TMEM132D: variants seen among roughly 807,000 people sequenced by gnomAD.
TMEM132D encodes transmembrane protein 132D.
In TMEM132D, 21 loss-of-function variants were observed where a neutral mutation model predicts 62.3. The observed-to-expected ratio is 0.34, with a 90% CI of 0.24 to 0.49. The LOEUF is 0.49. TMEM132D is among the 20% of genes least tolerant of loss of function. The pLI is 0.99. For synonymous variants in TMEM132D, 621 were observed against 575.6 expected (o/e 1.08, Z -1.13); for missense variants, 1,346 against 1,402.8 (o/e 0.96, Z 0.65).
At chr12:129,615,068 G>A (rs182706920) in intron 2 of TMEM132D, among the ~76,000 whole-genome samples, 6 of 152,210 alleles carry the variant, frequency 3.9e-5, no homozygotes, top group Middle Eastern at 3.4e-3. Context: ...ACCTAACAGC[G>A]TATTATATGG....
intron 3 of TMEM132D, among the ~76,000 whole-genome samples, chr12:129,356,654 C>CAAAA (rs34719078): frequency 0.25 from 28,980 of 115,646 alleles, 4,271 homozygotes; most frequent in South Asian, 0.38. Flanking sequence ...CCTGTCTCTA[C>CAAAA]AATAAATAAA....
chr12:129,384,916 C>T (rs1303329852), intron 3 of TMEM132D, among the ~76,000 whole-genome samples: 1 of 151,982 alleles, frequency 6.6e-6, no homozygotes, highest in Non-Finnish European at 1.5e-5. Context: ...GCACCTTTCC[C>T]ATTTACTAGA....
chr12:129,826,201 A>G (rs942333216), intron 1 of TMEM132D, among the ~76,000 whole-genome samples: 1 of 152,164 alleles, frequency 6.6e-6, no homozygotes, highest in Non-Finnish European at 1.5e-5. Context: ...CACTGTGACC[A>G]CGGGAGCAGG....
At position 129,252,477 on chromosome 12, in the gene TMEM132D, T is replaced by C. The variant is rs544013325; in HGVS notation, c.1300-42814A>G. On this transcript the variant is annotated intron_variant, in intron 4 of 8. Coordinates refer to ENST00000422113, the MANE Select transcript of TMEM132D (RefSeq NM_133448.3). Reference sequence around the variant, plus strand: ...CTAGCTGGTGGTGAAGCCAGGAAGATAAGACCCAGAATTGTCTCTCAGAAA... The same window carrying C: ...CTAGCTGGTGGTGAAGCCAGGAAGACAAGACCCAGAATTGTCTCTCAGAAA... Among the ~76,000 whole-genome samples, 12 of 152,306 alleles carry C rather than the reference T, an allele frequency of 7.9e-5. No individual in the cohort carries two copies. The South Asian group carries it at 2.5e-3, about 32-fold the overall frequency.
At chr12:129,302,663 T>C (rs1881749971) in intron 4 of TMEM132D, among the ~76,000 whole-genome samples, 2 of 152,226 alleles carry the variant, frequency 1.3e-5, no homozygotes, top group Non-Finnish European at 2.9e-5. Flanking sequence ...AGCAGGCCAC[T>C]GGAGCGTATT....
intron 4 of TMEM132D, among the ~76,000 whole-genome samples, chr12:129,219,070 A>G (rs776654104): frequency 6.6e-6 from 1 of 152,166 alleles, no homozygotes; most frequent in Non-Finnish European, 1.5e-5. Flanking sequence ...CAAAACATGG[A>G]AAGATGTCCA....
At chr12:129,607,371 C>T (rs2137148107) in intron 2 of TMEM132D, among the ~76,000 whole-genome samples, 1 of 152,282 alleles carries the variant, frequency 6.6e-6, no homozygotes, top group Middle Eastern at 3.4e-3. Flanking sequence ...ACTGGGGAAA[C>T]CCCTCTGGAG....
At chr12:129,088,121 G>GA (rs1487245492) in intron 5 of TMEM132D, among the ~76,000 whole-genome samples, 5 of 54,548 alleles carry the variant, frequency 9.2e-5, no homozygotes, top group African/African-American at 9.5e-5. Context: ...CCCTGACCGG[G>GA]TGTCCTCCAT....
chr12:129,426,610 T>C (rs560972623), intron 3 of TMEM132D, among the ~76,000 whole-genome samples: 57 of 152,156 alleles, frequency 3.7e-4, no homozygotes, highest in Non-Finnish European at 7.3e-4. Context: ...TCTCAGATGG[T>C]TAAGACATTG....
Position 129,356,379 on chromosome 12 carries a change from G to C in TMEM132D, c.1116-18562C>G, listed in dbSNP as rs1290472262. 1.8e-5 allele frequency among the ~76,000 whole-genome samples: 2 copies of C among 113,646 alleles called. 1 individual carries two copies. Among genetic ancestry groups the C allele is most frequent in the Non-Finnish European group, 3.6e-5 (2 of 54,868 alleles). The allele number at this position is 113,646 out of a possible 152,430, so 74.6% of individuals were successfully genotyped here. ...TCACCGTTTTAGCCGGGATGGTCTCGATCTCTTGACCTCGTGATCCGCCCG... is the reference window on the plus strand; with the variant it reads ...TCACCGTTTTAGCCGGGATGGTCTCCATCTCTTGACCTCGTGATCCGCCCG... On this transcript the variant is annotated intron_variant, in intron 3 of 8. Coordinates refer to ENST00000422113, the MANE Select transcript of TMEM132D (RefSeq NM_133448.3).
At chr12:129,359,450 T>C (rs915610553) in intron 3 of TMEM132D, among the ~76,000 whole-genome samples, 2 of 152,244 alleles carry the variant, frequency 1.3e-5, no homozygotes, top group African/African-American at 4.8e-5. Flanking sequence ...GAGCGTTGTG[T>C]CTTTCACAGT....
intron 1 of TMEM132D, among the ~76,000 whole-genome samples, chr12:129,746,564 A>G (rs1384025120): frequency 6.6e-6 from 1 of 152,164 alleles, no homozygotes; most frequent in East Asian, 1.9e-4. Context: ...CACTGAACAA[A>G]GCTTGTTCTA....
At chr12:129,782,006 T>C (rs934362781) in intron 1 of TMEM132D, among the ~76,000 whole-genome samples, 1 of 152,174 alleles carries the variant, frequency 6.6e-6, no homozygotes, top group African/African-American at 2.4e-5. Flanking sequence ...GAAAAGAGGA[T>C]GGAGGAGCAT....
At chr12:129,548,361 T>A (rs984250527) in intron 2 of TMEM132D, among the ~76,000 whole-genome samples, 1 of 152,142 alleles carries the variant, frequency 6.6e-6, no homozygotes, top group African/African-American at 2.4e-5. Context: ...TCTTTACCCA[T>A]CCTGTTCGCC....
At chr12:129,083,513 C>A (rs1367791282) in intron 6 of TMEM132D, among the ~76,000 whole-genome samples, 2 of 152,190 alleles carry the variant, frequency 1.3e-5, no homozygotes, top group East Asian at 3.9e-4. Context: ...ACCAGAAACC[C>A]CAGAGACTGA....
At chr12:129,767,364 A>C (rs1244108713) in intron 1 of TMEM132D, among the ~76,000 whole-genome samples, 1 of 152,116 alleles carries the variant, frequency 6.6e-6, no homozygotes, top group East Asian at 1.9e-4. Flanking sequence ...GTTAAGAACT[A>C]AGATGGGTAG....
chr12:129,692,353 G>A (rs867555687), intron 2 of TMEM132D, among the ~76,000 whole-genome samples: 50 of 152,172 alleles, frequency 3.3e-4, no homozygotes, highest in African/African-American at 9.9e-4. Flanking sequence ...TTATGTCAAC[G>A]GCATAGGAAA....
intron 2 of TMEM132D, among the ~76,000 whole-genome samples, chr12:129,543,589 C>A (rs1417487769): frequency 6.6e-6 from 1 of 152,140 alleles, no homozygotes; most frequent in Non-Finnish European, 1.5e-5. Context: ...TTGGCAAAAT[C>A]ATCTATAGTG....
intron 2 of TMEM132D, among the ~76,000 whole-genome samples, chr12:129,594,964 G>T (rs560024385): frequency 6.6e-6 from 1 of 152,152 alleles, no homozygotes; most frequent in Non-Finnish European, 1.5e-5. Flanking sequence ...TCACAGACAG[G>T]TACAGCTGAA....
Sources: allele counts gnomAD v4.1 joint callset (sites outside exome capture counted in the v4.1 genomes callset), GRCh38; gene constraint gnomAD v4.1.1; transcripts MANE v1.5; gene names NCBI Gene and HGNC (gene_info 2026-07-23, HGNC 2026-07-21).